The following TRAPPC11 variants were observed in gnomAD, a reference collection of about 807,000 sequenced individuals.
TRAPPC11 encodes the protein trafficking protein particle complex subunit 11, also known as foie gras homolog.
Under a neutral mutation model 151.2 loss-of-function variants are expected in TRAPPC11, and 104 were observed. The observed-to-expected ratio is 0.69, with a 90% CI of 0.59 to 0.81. The LOEUF (loss-of-function observed/expected upper bound fraction) is 0.81, where lower values mean the gene tolerates loss of function less well. Ranked by LOEUF, TRAPPC11 falls within the 30% of genes least tolerant of loss-of-function variation. TRAPPC11 has a pLI of 0.00. For missense variants in TRAPPC11, 1,230 were observed against 1,349.6 expected (o/e 0.91, Z 1.39); for synonymous variants, 456 against 472.3 (o/e 0.97, Z 0.45).
At chr4:183,682,189 T>A (rs796106507) in intron 10 of TRAPPC11, among the ~76,000 whole-genome samples, 9 of 152,342 alleles carry the variant, frequency 5.9e-5, no homozygotes, top group Admixed American at 2.6e-4. Flanking sequence ...ATAAGTAATT[T>A]AGATTTTCAT....
chr4:183,691,609 A>G (rs1182247025), intron 19 of TRAPPC11, 138 bp downstream of exon 19: 2 of 489,392 alleles, frequency 4.1e-6, no homozygotes, highest in Non-Finnish European at 6.3e-6. Flanking sequence ...CATTCATAAT[A>G]GTTTGGGAAG....
intron 1 of TRAPPC11, 98 bp downstream of exon 1, chr4:183,659,545 C>G (rs1457204066): frequency 6.6e-6 from 1 of 152,312 alleles, no homozygotes; most frequent in Non-Finnish European, 1.5e-5. Flanking sequence ...GTTTTGCAAT[C>G]CCATCGACGG....
rs1735332646 is a variant in TRAPPC11, at chr4:183,674,825, T to A, written c.660+13T>A. On this transcript the variant is annotated intron_variant, in intron 6 of 29. Transcript: ENST00000334690. ...AACAACACACCAGGTGCGTGATTTT[T>A]TGCAATAATAGAAGCATTCTGGAGC... is the stretch of plus-strand genomic sequence containing the variant. 1 of 1,502,906 alleles carries A rather than the reference T, an allele frequency of 6.7e-7. No homozygotes were observed. Among genetic ancestry groups the A allele is most frequent in the South Asian group, 1.2e-5 (1 of 82,368 alleles). The allele number at this position is 1,502,906 out of a possible 1,614,324, so 93.1% of individuals were successfully genotyped here.
At chr4:183,696,353 T>C (rs187790641) in intron 23 of TRAPPC11, among the ~76,000 whole-genome samples, 4 of 152,334 alleles carry the variant, frequency 2.6e-5, no homozygotes, top group Admixed American at 2.6e-4. Flanking sequence ...TTGTGTTATT[T>C]GTTTTGAAAG....
intron 1 of TRAPPC11, among the ~76,000 whole-genome samples, chr4:183,661,361 CTTTTTTTT>C (rs139201416): frequency 1.3e-5 from 1 of 79,392 alleles, no homozygotes; most frequent in Admixed American, 2.0e-4. Flanking sequence ...TGTAGATTAC[CTTTTTTTT>C]TTTTTTTTTT....
intron 19 of TRAPPC11, 62 bp downstream of exon 19, chr4:183,691,533 TTA>T: frequency 9.7e-7 from 1 of 1,030,828 alleles, no homozygotes; most frequent in South Asian, 3.4e-5. Flanking sequence ...TATCAATATT[TTA>T]AATAATACAA....
chr4:183,677,709 G>T (rs971573629), intron 8 of TRAPPC11, among the ~76,000 whole-genome samples, 155 bp downstream of exon 8: 4 of 152,092 alleles, frequency 2.6e-5, no homozygotes, highest in African/African-American at 9.7e-5. Context: ...GAAGGGCATC[G>T]ATTCTTAGCA....
At chr4:183,705,129 C>T (rs1736993084) in intron 27 of TRAPPC11, 59 bp downstream of exon 27, 11 of 1,193,204 alleles carry the variant, frequency 9.2e-6, no homozygotes, top group Non-Finnish European at 9.7e-6. Context: ...TTATTTTAAC[C>T]TCTAAGAGTT....
At chr4:183,704,862 G>C in intron 26 of TRAPPC11, 117 bp from the exon 27 acceptor site, 1 of 522,334 alleles carries the variant, frequency 1.9e-6, no homozygotes, top group Non-Finnish European at 3.5e-6. Context: ...AAATGGATAA[G>C]TAACATTTCC....
At chr4:183,702,358 A>G (rs1221013018) in intron 26 of TRAPPC11, among the ~76,000 whole-genome samples, 2 of 151,960 alleles carry the variant, frequency 1.3e-5, no homozygotes, top group African/African-American at 4.8e-5. Context: ...AAAAAAAAAA[A>G]AGTTCATAGC....
At position 183,681,970 on chromosome 4, in the gene TRAPPC11, G is replaced by A. The variant is rs146823665; in HGVS notation, c.1114-762G>A. 7.9e-3 allele frequency among the ~76,000 whole-genome samples: 1,200 copies of A among 152,160 alleles called. 12 individuals are homozygous for A. The highest frequency in any genetic ancestry group is 0.031 in the Middle Eastern group (9 of 292). The stretch of plus-strand genomic sequence containing the variant: ...ATTAATTGTAAAATAGAAATAAGAT[G>A]AATAGCTATAGGGAATTTGTTAAAA... On this transcript the variant is annotated intron_variant, in intron 10 of 29. Transcript: ENST00000334690.
intron 5 of TRAPPC11, among the ~76,000 whole-genome samples, chr4:183,672,952 G>A (rs1187135246): frequency 6.7e-6 from 1 of 148,856 alleles, no homozygotes; most frequent in African/African-American, 2.5e-5. Flanking sequence ...GTTGCTACCC[G>A]TTCGCAAATT....
intron 27 of TRAPPC11, among the ~76,000 whole-genome samples, chr4:183,706,414 T>C (rs1182432778): frequency 6.6e-6 from 1 of 151,886 alleles, no homozygotes; most frequent in Non-Finnish European, 1.5e-5. Flanking sequence ...TCCCAGCTAC[T>C]TGGGAGGCTG....
intron 29 of TRAPPC11, 100 bp from the exon 30 acceptor site, chr4:183,712,500 T>G: frequency 1.7e-6 from 2 of 1,173,552 alleles, no homozygotes; most frequent in Non-Finnish European, 2.5e-6. Context: ...ATTCTGTTTT[T>G]GTAAAACAGT....
chr4:183,670,241 A>C (rs1250293746), intron 5 of TRAPPC11, among the ~76,000 whole-genome samples: 2 of 152,160 alleles, frequency 1.3e-5, no homozygotes, highest in East Asian at 3.8e-4. Flanking sequence ...TTAAGTGTCA[A>C]AATGTTAGAA....
intron 1 of TRAPPC11, among the ~76,000 whole-genome samples, chr4:183,663,197 T>C (rs922323169): frequency 2.6e-5 from 4 of 151,922 alleles, no homozygotes; most frequent in African/African-American, 4.8e-5. Context: ...CTCCAAGTAG[T>C]TGGGGTTACA....
At chr4:183,664,114 C>G (rs962598198) in intron 2 of TRAPPC11, 43 bp downstream of exon 2, 17 of 1,489,520 alleles carry the variant, frequency 1.1e-5, no homozygotes, top group South Asian at 2.3e-5. Flanking sequence ...TTCTCTCTCT[C>G]TATGTGTGTG....
chr4:183,701,475 C>T, intron 25 of TRAPPC11: 1 of 458,310 alleles, frequency 2.2e-6, no homozygotes, highest in Non-Finnish European at 3.9e-6. Flanking sequence ...ATACAGATGC[C>T]TCATTGGATT....
At chr4:183,699,610 A>G (rs1176429888) in intron 25 of TRAPPC11, among the ~76,000 whole-genome samples, 1 of 152,218 alleles carries the variant, frequency 6.6e-6, no homozygotes, top group Non-Finnish European at 1.5e-5. Flanking sequence ...AGTGGCTTAA[A>G]ATGACACAGA....
Sources: gnomAD v4.1 joint callset for allele counts (sites outside exome capture counted in the v4.1 genomes callset) on GRCh38, gnomAD v4.1.1 for gene constraint, MANE v1.5 for transcripts, NCBI Gene and HGNC (gene_info 2026-07-23, HGNC 2026-07-21) for gene names.